Variants in CHM observed in about 807,000 individuals in gnomAD.
CHM encodes the protein rab proteins geranylgeranyltransferase component A 1.
Under a neutral mutation model 49.0 loss-of-function variants are expected in CHM, and 10 were observed. The ratio of observed to expected loss-of-function variants is 0.20; its 90% confidence interval spans 0.13 to 0.35. The LOEUF is 0.35. Among genes scored for constraint, CHM ranks in the 10% least tolerant of loss-of-function variants. CHM has a pLI of 1.00. For missense variants in CHM, 455 were observed against 478.4 expected (o/e 0.95, Z 0.46); for synonymous variants, 184 against 167.5 (o/e 1.10, Z -0.76).
Position 85,936,300 on chromosome X carries a change from C to T in CHM, c.1166+19853G>A, listed in dbSNP as rs189421306. On this transcript the variant is annotated intron_variant, in intron 8 of 14. Transcript: ENST00000357749. Reference sequence around the variant, plus strand: ...TAATCACCAAAACATTCATTCTAAACATCAAGACCGCAAAGTCATGCAACT... The same window carrying T: ...TAATCACCAAAACATTCATTCTAAATATCAAGACCGCAAAGTCATGCAACT... Among the ~76,000 whole-genome samples the T allele has an allele frequency of 1.1e-4, 12 of 112,239 alleles. No individual in the cohort carries two copies. In the East Asian group the frequency reaches 3.3e-3, roughly 31 times the overall value.
At chrX:85,970,270 A>G (rs888852506) in intron 4 of CHM, 6 of 751,710 alleles carry the variant, frequency 8.0e-6, no homozygotes, top group Non-Finnish European at 9.4e-6. Context: ...CAACTAAAGA[A>G]TATTGGATTC....
At chrX:85,959,229 C>CCAT (rs1171174423) in intron 5 of CHM, among the ~76,000 whole-genome samples, 4 of 111,691 alleles carry the variant, frequency 3.6e-5, no homozygotes, top group Admixed American at 1.9e-4. Context: ...ACTGATAAGG[C>CCAT]ACTCTGGCTT....
At chrX:85,877,398 G>A (rs1011113516) in intron 13 of CHM, among the ~76,000 whole-genome samples, 2 of 111,183 alleles carry the variant, frequency 1.8e-5, no homozygotes, top group African/African-American at 6.5e-5. Context: ...TTAAAACAAT[G>A]TAATTCATGG....
chrX:85,947,276 T>C (rs1046813763), intron 8 of CHM, among the ~76,000 whole-genome samples: 2 of 112,058 alleles, frequency 1.8e-5, no homozygotes, highest in African/African-American at 6.5e-5. Context: ...TGAATTGTAG[T>C]TCCCAGTATT....
intron 7 of CHM, 63 bp from the exon 8 acceptor site, chrX:85,956,441 A>C: frequency 8.7e-7 from 1 of 1,155,632 alleles, no homozygotes; most frequent in Non-Finnish European, 1.2e-6. Flanking sequence ...AAACCACCCC[A>C]CAAAAAGGAG....
intron 2 of CHM, among the ~76,000 whole-genome samples, chrX:86,023,934 A>G (rs1406216763): frequency 8.9e-6 from 1 of 111,937 alleles, no homozygotes; most frequent in Non-Finnish European, 1.9e-5. Context: ...CCTATGATGT[A>G]AGGGCTTAAA....
chrX:85,925,126 G>A (rs1451155849), intron 8 of CHM, among the ~76,000 whole-genome samples: 1 of 111,365 alleles, frequency 9.0e-6, no homozygotes, highest in Admixed American at 9.6e-5. Flanking sequence ...TAGACTACAA[G>A]TGATCACTCA....
At chrX:85,912,420 G>C (rs1479360706) in intron 8 of CHM, among the ~76,000 whole-genome samples, 3 of 111,238 alleles carry the variant, frequency 2.7e-5, no homozygotes, top group African/African-American at 9.8e-5. Flanking sequence ...AAAAGAAATA[G>C]GATTAAACTC....
At chrX:85,917,630 AGAG>A (rs890080395) in intron 8 of CHM, among the ~76,000 whole-genome samples, 5 of 111,116 alleles carry the variant, frequency 4.5e-5, no homozygotes, top group African/African-American at 1.6e-4. Context: ...TCAATGAGAT[AGAG>A]GAGAAGGTTG....
intron 11 of CHM, among the ~76,000 whole-genome samples, chrX:85,899,440 C>G (rs933608165): frequency 9.0e-6 from 1 of 110,505 alleles, no homozygotes; most frequent in African/African-American, 3.3e-5. Context: ...TCTTTTTCTC[C>G]CCATAACAAT....
chrX:85,996,017 T>C (rs1052949796), intron 2 of CHM, among the ~76,000 whole-genome samples: 2 of 112,292 alleles, frequency 1.8e-5, no homozygotes, highest in Non-Finnish European at 3.8e-5. Flanking sequence ...TTTATTCTCC[T>C]ATCCCTTTAT....
chrX:85,925,783 AC>A (rs1194386466), intron 8 of CHM, among the ~76,000 whole-genome samples: 1 of 111,981 alleles, frequency 8.9e-6, no homozygotes, highest in African/African-American at 3.2e-5. Context: ...TACTTCTTTT[AC>A]TTCTAATGCT....
At chrX:86,021,002 A>G (rs926610417) in intron 2 of CHM, among the ~76,000 whole-genome samples, 15 of 98,801 alleles carry the variant, frequency 1.5e-4, no homozygotes, top group Middle Eastern at 5.1e-3. Context: ...AGATGTGTGT[A>G]TATATATATA....
At chrX:85,955,347 T>C (rs1396873083) in intron 8 of CHM, among the ~76,000 whole-genome samples, 3 of 111,542 alleles carry the variant, frequency 2.7e-5, no homozygotes, top group Admixed American at 9.6e-5. Flanking sequence ...AACTATCTCA[T>C]GTACCCCACA....
chrX:85,887,931 C>T (rs755278657), intron 12 of CHM, among the ~76,000 whole-genome samples: 131 of 111,670 alleles, frequency 1.2e-3, no homozygotes, highest in African/African-American at 4.2e-3. Flanking sequence ...TAAAGGCATC[C>T]GGTTTTGAAA....
chrX:85,916,546 A>C (rs758042326), intron 8 of CHM, among the ~76,000 whole-genome samples: 37 of 111,641 alleles, frequency 3.3e-4, no homozygotes, highest in Non-Finnish European at 6.1e-4. Context: ...TTTACAATCT[A>C]TCTATCTAAG....
chrX:85,872,733 CAAT>C (rs1924161074), intron 14 of CHM, among the ~76,000 whole-genome samples: 1 of 111,702 alleles, frequency 9.0e-6, no homozygotes, highest in Admixed American at 9.5e-5. Context: ...AAGTTAGAAA[CAAT>C]GTTTCTTTAA....
chrX:85,956,802 C>T (rs1351065559), intron 7 of CHM, among the ~76,000 whole-genome samples: 1 of 111,042 alleles, frequency 9.0e-6, no homozygotes, highest in Non-Finnish European at 1.9e-5. Context: ...ACGTATACTT[C>T]TCACTGATAC....
intron 4 of CHM, among the ~76,000 whole-genome samples, chrX:85,966,282 G>A (rs913955906): frequency 2.8e-5 from 3 of 106,556 alleles, no homozygotes; most frequent in Non-Finnish European, 5.8e-5. Context: ...CCAGGAGGCG[G>A]AGGTAGCAGT....
Sources: gnomAD v4.1 joint callset for allele counts (sites outside exome capture counted in the v4.1 genomes callset) on GRCh38, gnomAD v4.1.1 for gene constraint, MANE v1.5 for transcripts, NCBI Gene and HGNC (gene_info 2026-07-23, HGNC 2026-07-21) for gene names.